The following XIRP2 variants were observed in gnomAD, a reference collection of about 807,000 sequenced individuals.
XIRP2 encodes xin actin-binding repeat-containing protein 2.
Under a neutral mutation model 277.0 loss-of-function variants are expected in XIRP2, and 236 were observed. The ratio of observed to expected loss-of-function variants is 0.85; its 90% CI spans 0.77 to 0.95. The LOEUF (loss-of-function observed/expected upper bound fraction) is 0.95, where lower values mean the gene tolerates loss of function less well. Among genes scored for constraint, XIRP2 ranks in the 40% least tolerant of loss-of-function variants. XIRP2 has a pLI of 0.00. For synonymous variants in XIRP2, 1,490 were observed against 1,416.5 expected (o/e 1.05, Z -1.17); for missense variants, 4,640 against 4,157.5 (o/e 1.12, Z -3.19).
intron 2 of XIRP2, among the ~76,000 whole-genome samples, chr2:167,025,062 C>G (rs537247809): frequency 1.0e-3 from 155 of 152,080 alleles, no homozygotes; most frequent in Middle Eastern, 6.8e-3. Context: ...TGGTAGAATT[C>G]GGCTGTGAAT....
intron 1 of XIRP2, among the ~76,000 whole-genome samples, chr2:166,899,947 T>G (rs1355990926): frequency 6.6e-6 from 1 of 152,094 alleles, no homozygotes; most frequent in Non-Finnish European, 1.5e-5. Flanking sequence ...GGAATAAAAC[T>G]GGGAGTAGCG....
chr2:166,894,570 G>A (rs1324831263), intron 1 of XIRP2, among the ~76,000 whole-genome samples: 1 of 152,138 alleles, frequency 6.6e-6, no homozygotes, highest in Non-Finnish European at 1.5e-5. Flanking sequence ...TCCCAGGGGA[G>A]CTATTGCTCC....
chr2:167,239,829 TTG>T, intron 5 of XIRP2, 24 bp from the exon 6 acceptor site: 1 of 1,568,142 alleles, frequency 6.4e-7, no homozygotes, highest in Middle Eastern at 1.7e-4. Context: ...TCTTAAGGCA[TTG>T]TCTGTCTGTC....
In XIRP2 at chr2:167,248,360, A is replaced by G. The variant is rs760814879; in HGVS notation, c.6968A>G (p.Asn2323Ser). The G allele has an allele frequency of 1.2e-6, 2 of 1,613,628 alleles. No homozygotes were observed. The highest frequency in any genetic ancestry group is 1.1e-5 in the South Asian group (1 of 91,058). ...CCTTTGATGATGTTTCCTGAAAAAAATGGGTTTCTTCCCTCACTGTCCACA... is the reference window on the plus strand; with the variant it reads ...CCTTTGATGATGTTTCCTGAAAAAAGTGGGTTTCTTCCCTCACTGTCCACA... ...PPPLMMFPEKNGFLPSLSTEK... is the reference protein window; with the variant it reads ...PPPLMMFPEKSGFLPSLSTEK... The change falls in exon 9 of 11, where the codon AAT (asparagine) becomes AGT (serine). Residue 2323 changes from asparagine to serine, a missense_variant. Coordinates refer to ENST00000409195, the MANE Select transcript of XIRP2 (RefSeq NM_152381.6).
chr2:167,173,789 C>A (rs1433447405), intron 3 of XIRP2, among the ~76,000 whole-genome samples: 1 of 152,126 alleles, frequency 6.6e-6, no homozygotes, highest in African/African-American at 2.4e-5. Flanking sequence ...CCTCACCAGC[C>A]TTTATTAATG....
At position 167,258,987 on chromosome 2, in the gene XIRP2, T is replaced by C. The variant is rs763094126; in HGVS notation, c.*1170T>C. ...ATGGTAAAGGGGGGAAGTTCAATCATCTCTCCTGATACAAATCTCTTAAAC... is the reference window on the plus strand; with the variant it reads ...ATGGTAAAGGGGGGAAGTTCAATCACCTCTCCTGATACAAATCTCTTAAAC... On this transcript the variant is annotated 3_prime_UTR_variant, in exon 11 of 11. Transcript: ENST00000409195. The C allele has an allele frequency of 8.1e-6, 13 of 1,611,560 alleles. No homozygotes were observed. The East Asian group carries it at 2.7e-4, about 33-fold the overall frequency.
chr2:167,244,134 G>A lies in XIRP2; in HGVS notation c.2742G>A (p.Trp914Ter). ...EEKGDVRHQKWIFETQPLEDI... is the reference protein window; with the variant it reads ...EEKGDVRHQK ...AAGGGGATGTTAGGCATCAAAAATG[G>A]ATTTTTGAAACCCAACCTCTGGAAG... is the stretch of plus-strand genomic sequence containing the variant. Residue 914 changes from tryptophan to a stop codon, truncating the protein, a stop_gained, in exon 9 of 11, where the codon TGG (tryptophan) becomes TGA (stop). Transcript: ENST00000409195. LOFTEE classifies it high-confidence loss of function. 6.2e-7 allele frequency: 1 copy of A among 1,613,962 alleles called. No individual in the cohort carries two copies. The highest frequency in any genetic ancestry group is 1.1e-5 in the South Asian group (1 of 91,076).
intron 3 of XIRP2, among the ~76,000 whole-genome samples, chr2:167,205,567 T>C (rs1199532794): frequency 2.0e-5 from 3 of 152,130 alleles, no homozygotes; most frequent in Non-Finnish European, 2.9e-5. Context: ...AGTGGGATGG[T>C]ATCTTTTAGC....
intron 2 of XIRP2, among the ~76,000 whole-genome samples, chr2:167,083,601 G>T (rs1689816098): frequency 6.6e-6 from 1 of 152,120 alleles, no homozygotes; most frequent in Non-Finnish European, 1.5e-5. Context: ...CCATTTGTTT[G>T]TATCCTCTTT....
At chr2:167,215,540 A>G (rs1257698550) in intron 4 of XIRP2, among the ~76,000 whole-genome samples, 1 of 152,126 alleles carries the variant, frequency 6.6e-6, no homozygotes, top group Non-Finnish European at 1.5e-5. Flanking sequence ...TTGAAAGACT[A>G]CTTATTTGGT....
At chr2:167,043,268 G>A (rs1688708362) in intron 2 of XIRP2, among the ~76,000 whole-genome samples, 1 of 151,946 alleles carries the variant, frequency 6.6e-6, no homozygotes, top group Non-Finnish European at 1.5e-5. Context: ...GTCACACATA[G>A]AAGAACTAGG....
chr2:167,121,665 A>G (rs972145195), intron 2 of XIRP2, among the ~76,000 whole-genome samples: 4 of 152,150 alleles, frequency 2.6e-5, no homozygotes, highest in African/African-American at 9.6e-5. Flanking sequence ...TTAGGGCCCT[A>G]TTTAAGAAAA....
rs768277098 is a variant in XIRP2, at chr2:167,246,647, C to T, written c.5255C>T (p.Ala1752Val). 1.9e-6 allele frequency: 3 copies of T among 1,613,562 alleles called. No individual in the cohort carries two copies. The highest frequency in any genetic ancestry group is 1.6e-4 in the Middle Eastern group (1 of 6,080). Residue 1752 changes from alanine to valine, a missense_variant, in exon 9 of 11, where the codon GCT (alanine) becomes GTT (valine). Ala to Val is a moderately conservative substitution (Grantham distance 64). Coordinates refer to ENST00000409195, the MANE Select transcript of XIRP2 (RefSeq NM_152381.6). ...CAGTTTTTCACAACCTGCATAGAAG[C>T]TGGAGCTTTGGATTATCTGAAACAA... is the stretch of plus-strand genomic sequence containing the variant. ...NVQFFTTCIE[A>V]GALDYLKQLH...
intron 2 of XIRP2, among the ~76,000 whole-genome samples, chr2:166,971,583 ATTAGTTC>A (rs1281294355): frequency 1.3e-5 from 2 of 152,054 alleles, no homozygotes; most frequent in African/African-American, 4.8e-5. Flanking sequence ...GCTAGGTATA[ATTAGTTC>A]TTTTTTGAAT....
chr2:166,954,953 A>C (rs1023752301), intron 2 of XIRP2, among the ~76,000 whole-genome samples: 2 of 151,798 alleles, frequency 1.3e-5, no homozygotes, highest in African/African-American at 2.4e-5. Flanking sequence ...AAAGAGAGTT[A>C]ATGCATGCTG....
At chr2:166,988,483 A>C (rs1687075888) in intron 2 of XIRP2, among the ~76,000 whole-genome samples, 1 of 134,432 alleles carries the variant, frequency 7.4e-6, no homozygotes, top group Non-Finnish European at 1.6e-5. Flanking sequence ...GAATAGGAAC[A>C]GCTCCGGTCT....
At chr2:167,040,452 A>G (rs1302956633) in intron 2 of XIRP2, among the ~76,000 whole-genome samples, 1 of 152,006 alleles carries the variant, frequency 6.6e-6, no homozygotes, top group Non-Finnish European at 1.5e-5. Context: ...TCTCACCACA[A>G]ATCTTAGGAA....
At chr2:167,023,634 A>G (rs1453586413) in intron 2 of XIRP2, among the ~76,000 whole-genome samples, 1 of 152,146 alleles carries the variant, frequency 6.6e-6, no homozygotes, top group African/African-American at 2.4e-5. Context: ...ATTTTTGTAT[A>G]AGGTGTAAGG....
rs74761337 is a variant in XIRP2, at chr2:167,080,879, A to G, written c.409-55030A>G. ...AATCATGTTTAAGGTTGCATTGAGA[A>G]AATATTTTATAATTTCTAAAATATT... On this transcript the variant is annotated intron_variant, in intron 2 of 10. Coordinates refer to ENST00000409195, the MANE Select transcript of XIRP2 (RefSeq NM_152381.6). 3.6e-3 allele frequency among the ~76,000 whole-genome samples: 541 copies of G among 152,244 alleles called. 31 individuals carry two copies. The East Asian group carries it at 0.094, about 26-fold the overall frequency.
Sources: gnomAD v4.1 joint callset for allele counts (sites outside exome capture counted in the v4.1 genomes callset) on GRCh38, gnomAD v4.1.1 for gene constraint, MANE v1.5 for transcripts, NCBI Gene and HGNC (gene_info 2026-07-23, HGNC 2026-07-21) for gene names.